The following MAGI1 variants were observed in gnomAD, a reference collection of about 807,000 sequenced individuals.
The protein encoded by MAGI1 is membrane associated guanylate kinase, WW and PDZ domain containing 1, also known as membrane-associated guanylate kinase, WW and PDZ domain-containing protein 1.
Under a neutral mutation model 139.9 loss-of-function variants are expected in MAGI1, and 58 were observed. That is an observed-to-expected ratio of 0.41 (90% CI 0.34 to 0.52). The LOEUF is 0.52. Among genes scored for constraint, MAGI1 ranks in the 20% least tolerant of loss-of-function variants. The probability of loss-of-function intolerance (pLI) is 0.12; values close to 1 mark genes in which losing one functional copy is unlikely to be tolerated. For missense variants in MAGI1, 1,874 were observed against 1,901.6 expected, an observed-to-expected ratio of 0.99 and a Z score of 0.27; for synonymous variants, 812 against 737.9, an observed-to-expected ratio of 1.10 and a Z score of -1.63.
chr3:65,617,897 C>A (rs1018078326), intron 2 of MAGI1, among the ~76,000 whole-genome samples: 1 of 152,148 alleles, frequency 6.6e-6, no homozygotes, highest in African/African-American at 2.4e-5. Context: ...AGATACGCTG[C>A]CTGACTCATG....
intron 1 of MAGI1, among the ~76,000 whole-genome samples, chr3:65,794,128 G>A (rs1345492766): frequency 1.3e-5 from 2 of 152,090 alleles, no homozygotes; most frequent in Non-Finnish European, 2.9e-5. Flanking sequence ...AGGATGAGAC[G>A]CAAGCCATTG....
At chr3:65,792,532 CTAA>C (rs1342885919) in intron 1 of MAGI1, among the ~76,000 whole-genome samples, 6 of 151,786 alleles carry the variant, frequency 4.0e-5, no homozygotes, top group African/African-American at 7.3e-5. Context: ...AATAGAATAG[CTAA>C]TAATATATTG....
intron 1 of MAGI1, among the ~76,000 whole-genome samples, chr3:65,906,018 C>A (rs537624322): frequency 6.6e-6 from 1 of 152,246 alleles, no homozygotes; most frequent in African/African-American, 2.4e-5. Context: ...AAAAACATAA[C>A]CTTGCTTTTG....
At chr3:65,607,673 A>T (rs2082816217) in intron 2 of MAGI1, among the ~76,000 whole-genome samples, 1 of 152,176 alleles carries the variant, frequency 6.6e-6, no homozygotes, top group Admixed American at 6.5e-5. Flanking sequence ...TCTTTAATTG[A>T]GTCCTATGTC....
At chr3:65,580,930 C>T (rs2081389110) in intron 2 of MAGI1, among the ~76,000 whole-genome samples, 1 of 152,144 alleles carries the variant, frequency 6.6e-6, no homozygotes, top group Non-Finnish European at 1.5e-5. Flanking sequence ...TTATCTTCCC[C>T]TTCAAATGGG....
rs781111210 is a variant in MAGI1, at chr3:65,543,545, T to C, written c.431-49914A>G. Among the ~76,000 whole-genome samples the C allele has an allele frequency of 3.0e-4, 46 of 152,144 alleles. 1 individual carries two copies. Among genetic ancestry groups the C allele is most frequent in the South Asian group, 6.2e-4 (3 of 4,824 alleles). On this transcript the variant is annotated intron_variant, in intron 2 of 22. Transcript: ENST00000402939. ...GACTGGATAAAGAAAATGTGGCACA[T>C]ATATACCATGGAATACTATGCAGCC...
intron 2 of MAGI1, among the ~76,000 whole-genome samples, chr3:65,515,664 C>T (rs562769217): frequency 1.2e-4 from 19 of 152,280 alleles, no homozygotes; most frequent in African/African-American, 4.3e-4. Flanking sequence ...ACCCTATCAA[C>T]AGTTAAGTAT....
chr3:65,452,587 T>TTC (rs1949095485), intron 6 of MAGI1: 1 of 151,686 alleles, frequency 6.6e-6, no homozygotes, highest in Non-Finnish European at 1.5e-5. Context: ...TTCAATTTTT[T>TTC]TTTTTTTTCA....
chr3:65,464,261 T>C (rs1014139291), intron 5 of MAGI1, among the ~76,000 whole-genome samples: 3 of 152,150 alleles, frequency 2.0e-5, no homozygotes, highest in Admixed American at 2.0e-4. Flanking sequence ...CTTACCTTTA[T>C]TATTTCCTTC....
rs563384925 is a variant in MAGI1 at position 65,930,066 on chromosome 3, C to T, written c.313+107930G>A. 1.6e-4 allele frequency among the ~76,000 whole-genome samples: 25 copies of T among 152,142 alleles called. No homozygotes were observed. The South Asian group carries it at 5.0e-3, about 30-fold the overall frequency. On this transcript the variant is annotated intron_variant, in intron 1 of 22. Coordinates refer to ENST00000402939, the MANE Select transcript of MAGI1 (RefSeq NM_001033057.2). ...GCGCGTTGGCTCACACCTGTAATCCCAGCACTTTGGGAGGCCGAGGCGGGT... is the reference window on the plus strand; with the variant it reads ...GCGCGTTGGCTCACACCTGTAATCCTAGCACTTTGGGAGGCCGAGGCGGGT...
At chr3:65,908,411 C>A (rs2061524287) in intron 1 of MAGI1, among the ~76,000 whole-genome samples, 1 of 151,820 alleles carries the variant, frequency 6.6e-6, no homozygotes, top group African/African-American at 2.4e-5. Flanking sequence ...TCAAGCAATT[C>A]TCTGCTGGAA....
chr3:65,464,253 T>C (rs960880571), intron 5 of MAGI1, among the ~76,000 whole-genome samples: 4 of 152,154 alleles, frequency 2.6e-5, no homozygotes, highest in African/African-American at 4.8e-5. Context: ...TTTCTCCTCT[T>C]ACCTTTATTA....
Position 65,852,780 on chromosome 3 carries a change from G to A in MAGI1, c.313+185216C>T, listed in dbSNP as rs567807339. Among the ~76,000 whole-genome samples the A allele has an allele frequency of 8.5e-5, 13 of 152,102 alleles. 1 individual carries two copies. In the South Asian group the frequency reaches 2.5e-3, roughly 29 times the overall value. On this transcript the variant is annotated intron_variant, in intron 1 of 22. Transcript: ENST00000402939. ...GGCCTCCCAAAGTACTTGGATTACA[G>A]GCGTGAGCCACTGCACCTGGCCAAC...
At chr3:65,984,712 CTT>C (rs1206138639) in intron 1 of MAGI1, among the ~76,000 whole-genome samples, 8 of 26,108 alleles carry the variant, frequency 3.1e-4, no homozygotes, top group African/African-American at 4.2e-4. Context: ...ATTTTTTTTT[CTT>C]TTTTTTTTTT....
chr3:65,901,570 A>G (rs1351498139), intron 1 of MAGI1, among the ~76,000 whole-genome samples: 1 of 152,232 alleles, frequency 6.6e-6, no homozygotes, highest in East Asian at 1.9e-4. Flanking sequence ...GTGGCTTGCT[A>G]TCGCTGTGGA....
intron 1 of MAGI1, among the ~76,000 whole-genome samples, chr3:65,840,328 G>T (rs899094914): frequency 3.9e-5 from 6 of 152,114 alleles, no homozygotes; most frequent in Non-Finnish European, 7.4e-5. Context: ...GGACATCTAT[G>T]CTTTGTTCAC....
chr3:65,447,915 G>A, intron 7 of MAGI1, 107 bp downstream of exon 7: 1 of 1,212,088 alleles, frequency 8.3e-7, no homozygotes, highest in Non-Finnish European at 1.2e-6. Context: ...CATAATTGGA[G>A]GAGTGCAAAC....
chr3:66,021,412 A>C (rs1299402056), intron 1 of MAGI1, among the ~76,000 whole-genome samples: 3 of 152,194 alleles, frequency 2.0e-5, no homozygotes, highest in Non-Finnish European at 4.4e-5. Context: ...TTCCACAAAC[A>C]CATATGCACA....
At chr3:65,493,734 C>T in intron 2 of MAGI1, 103 bp from the exon 3 acceptor site, 1 of 1,337,472 alleles carries the variant, frequency 7.5e-7, no homozygotes. Context: ...AGAGGGCGTA[C>T]CTAAGACTCT....
Sources: gnomAD v4.1 joint callset for allele counts (sites outside exome capture counted in the v4.1 genomes callset) on GRCh38, gnomAD v4.1.1 for gene constraint, MANE v1.5 for transcripts, NCBI Gene and HGNC (gene_info 2026-07-23, HGNC 2026-07-21) for gene names.